Variants in PHC2 observed in about 807,000 individuals in gnomAD.
PHC2 encodes polyhomeotic homolog 2.
Under a neutral mutation model 87.4 loss-of-function variants are expected in PHC2, and 29 were observed. That is an observed-to-expected ratio of 0.33 (90% CI 0.25 to 0.45). The LOEUF (loss-of-function observed/expected upper bound fraction) is 0.45. PHC2 is among the 20% of genes least tolerant of loss of function. The probability of loss-of-function intolerance (pLI) is 1.00; values close to 1 mark genes in which losing one functional copy is unlikely to be tolerated. For synonymous variants in PHC2, 438 were observed against 461.7 expected (o/e 0.95, Z 0.66); for missense variants, 857 against 1,136.7 (o/e 0.75, Z 3.54).
Position 33,372,425 on chromosome 1 carries a change from CTG to C in PHC2, c.195_196del (p.His65GlnfsTer53), listed in dbSNP as rs770815961. ...GTACTGAGCGGCCGTGCTGGGCTGT[CTG>C]TGCAGGGCCTGCTGGATCACCTGAG... On this transcript the variant is annotated frameshift_variant, in exon 3 of 15. Coordinates refer to ENST00000683057, the MANE Select transcript of PHC2 (RefSeq NM_001385109.1). LOFTEE classifies it high-confidence loss of function. 1.3e-6 allele frequency: 2 copies of C among 1,583,236 alleles called. No individual in the cohort carries two copies. Among genetic ancestry groups the C allele is most frequent in the Non-Finnish European group, 1.7e-6 (2 of 1,161,992 alleles).
chr1:33,375,522 T>G lies in PHC2; in HGVS notation c.18A>C (p.Pro6=). MENEL[P]VPHTSSSACA... ...AGGCACTGCTAGATGTATGTGGGAC[T>G]GGCAGCTCATTCTCCATGGCCTGCA... is the stretch of plus-strand genomic sequence containing the variant. The change falls in exon 2 of 15, where the codon CCA becomes CCC. Residue 6 remains proline (P), a synonymous_variant. Coordinates refer to ENST00000683057, the MANE Select transcript of PHC2 (RefSeq NM_001385109.1). The G allele has an allele frequency of 6.3e-7, 1 of 1,587,510 alleles. No individual in the cohort carries two copies. Among genetic ancestry groups the G allele is most frequent in the Non-Finnish European group, 8.6e-7 (1 of 1,165,578 alleles).
chr1:33,358,701 G>A (rs966752505), intron 7 of PHC2, among the ~76,000 whole-genome samples: 3 of 152,084 alleles, frequency 2.0e-5, no homozygotes, highest in Non-Finnish European at 4.4e-5. Context: ...CAGACATTCA[G>A]GATCTCTTTA....
At chr1:33,406,040 T>C (rs1409200044) in intron 1 of PHC2, among the ~76,000 whole-genome samples, 1 of 152,240 alleles carries the variant, frequency 6.6e-6, no homozygotes, top group Non-Finnish European at 1.5e-5. Flanking sequence ...TTACATATTC[T>C]TACTGGGGCT....
intron 1 of PHC2, among the ~76,000 whole-genome samples, chr1:33,405,170 T>C (rs1649703517): frequency 6.6e-6 from 1 of 151,962 alleles, no homozygotes; most frequent in Non-Finnish European, 1.5e-5. Context: ...TCAGTCTTTA[T>C]AAGGATTTGT....
chr1:33,390,706 G>GA (rs1649009186), intron 1 of PHC2, among the ~76,000 whole-genome samples: 1 of 144,140 alleles, frequency 6.9e-6, no homozygotes, highest in East Asian at 2.0e-4. Flanking sequence ...TTTTTTCTCT[G>GA]TAAAGGGACA....
intron 1 of PHC2, among the ~76,000 whole-genome samples, chr1:33,403,244 A>G (rs1424337340): frequency 6.8e-6 from 1 of 146,292 alleles, no homozygotes; most frequent in Non-Finnish European, 1.5e-5. Flanking sequence ...CTCCTGCCTC[A>G]GCCTCCCGAG....
intron 1 of PHC2, among the ~76,000 whole-genome samples, chr1:33,396,291 G>C (rs972494798): frequency 6.6e-6 from 1 of 152,098 alleles, no homozygotes. Context: ...TTTGGAGAGG[G>C]AGAAGCTGGC....
Position 33,349,586 on chromosome 1 carries a change from C to A in PHC2, c.1558+4815G>T, listed in dbSNP as rs1012297798. 3.0e-6 allele frequency: 3 copies of A among 983,846 alleles called. No homozygotes were observed. The highest frequency in any genetic ancestry group is 5.2e-4 in the Middle Eastern group (1 of 1,938). 60.9% of individuals were successfully genotyped at this position (983,846 alleles called of 1,614,324 possible). Reference sequence around the variant, plus strand: ...TACTGGCGAGAACCCCTCCCCCGCCCCGGCACTGACCTGTCCAGGGCCCGG... The same window carrying A: ...TACTGGCGAGAACCCCTCCCCCGCCACGGCACTGACCTGTCCAGGGCCCGG... On this transcript the variant is annotated intron_variant, in intron 9 of 14. Coordinates refer to ENST00000683057, the MANE Select transcript of PHC2 (RefSeq NM_001385109.1). This position sits in a 1 kb window ranked among gnomAD's most constrained non-coding sequence, Gnocchi z 4.2.
Position 33,355,091 on chromosome 1 carries a change from G to A in PHC2, c.1139C>T (p.Ser380Leu). Reference protein sequence around the residue: ...LQAEPHPQLASVSPSVALQPS... With the variant: ...LQAEPHPQLALVSPSVALQPS... ...CTGGAGGGCCACGCTTGGAGAGACTGAGGCGAGCTGGGGGTGGGGCTCAGC... is the reference window on the plus strand; with the variant it reads ...CTGGAGGGCCACGCTTGGAGAGACTAAGGCGAGCTGGGGGTGGGGCTCAGC... The change falls in exon 8 of 15, where the codon TCA (serine) becomes TTA (leucine). Residue 380 changes from serine to leucine, a missense_variant. Coordinates refer to ENST00000683057, the MANE Select transcript of PHC2 (RefSeq NM_001385109.1). 1.9e-6 allele frequency: 3 copies of A among 1,612,032 alleles called. No individual in the cohort carries two copies. Among genetic ancestry groups the A allele is most frequent in the East Asian group, 2.2e-5 (1 of 44,822 alleles).
chr1:33,335,355 A>C, intron 9 of PHC2: 1 of 985,370 alleles, frequency 1.0e-6, no homozygotes. Context: ...TTAACCTGGA[A>C]CTTCCTAAAA....
chr1:33,401,536 T>C (rs1046158271), intron 1 of PHC2, among the ~76,000 whole-genome samples: 2 of 152,220 alleles, frequency 1.3e-5, no homozygotes, highest in Non-Finnish European at 2.9e-5. Context: ...CTCCGCATTT[T>C]AGTGATATCA....
At position 33,332,684 on chromosome 1, in the gene PHC2, AAG is replaced by A. The variant is rs1222422853; in HGVS notation, c.1762-282_1762-281del. On this transcript the variant is annotated intron_variant, in intron 10 of 14. Coordinates refer to ENST00000683057, the MANE Select transcript of PHC2 (RefSeq NM_001385109.1). This position sits in a 1 kb window ranked among gnomAD's most constrained non-coding sequence, Gnocchi z 4.2. ...AAAATGTCTATTCCAGTAAGAGTCT[AAG>A]GGCTGAGATCAGGTTTCCCACAGTG... is the stretch of plus-strand genomic sequence containing the variant. Among the ~76,000 whole-genome samples, 3 of 152,178 alleles carry A rather than the reference AAG, an allele frequency of 2.0e-5. No homozygotes were observed. Among genetic ancestry groups the A allele is most frequent in the African/African-American group, 7.2e-5 (3 of 41,432 alleles).
chr1:33,334,045 C>T lies in PHC2; in HGVS notation c.1761+45G>A, dbSNP rs1646567315. On this transcript the variant is annotated intron_variant, in intron 10 of 14. Coordinates refer to ENST00000683057, the MANE Select transcript of PHC2 (RefSeq NM_001385109.1). The surrounding 1 kb of genome is among the most constrained non-coding windows in gnomAD (Gnocchi z 5.5). ...AATGTAAAAATATTCTAAGACACAT[C>T]CAAAATATACTTAAAAAAAAAAGGG... 1 of 1,512,008 alleles carries T rather than the reference C, an allele frequency of 6.6e-7. No homozygotes were observed. The highest frequency in any genetic ancestry group is 9.0e-7 in the Non-Finnish European group (1 of 1,107,260). The allele number at this position is 1,512,008 out of a possible 1,614,324, so 93.7% of individuals were successfully genotyped here. A position where few individuals can be genotyped will look rare whatever the true frequency, so the allele number is the denominator to read the frequency against.
intron 6 of PHC2, 109 bp from the exon 7 acceptor site, chr1:33,367,537 G>T: frequency 1.1e-6 from 1 of 872,880 alleles, no homozygotes; most frequent in East Asian, 2.5e-5. Flanking sequence ...TAGAACAGGA[G>T]GTTGTCAAAT....
intron 1 of PHC2, among the ~76,000 whole-genome samples, chr1:33,417,745 T>C (rs1470959855): frequency 3.3e-5 from 5 of 152,126 alleles, no homozygotes; most frequent in South Asian, 2.1e-4. Context: ...TTAATACATA[T>C]ATAAAAGACT....
intron 1 of PHC2, among the ~76,000 whole-genome samples, chr1:33,398,697 C>T (rs1435709482): frequency 1.3e-5 from 2 of 152,176 alleles, no homozygotes; most frequent in African/African-American, 2.4e-5. Flanking sequence ...ATTGAAGTAC[C>T]TGCTGAACGA....
chr1:33,368,369 G>C lies in PHC2; in HGVS notation c.663+167C>G, dbSNP rs1647608745. ...ACGAAACAGAGCCAGGAGGGACTGAGGCCTTCTGGAACAGGGTAGACGCGC... is the reference window on the plus strand; with the variant it reads ...ACGAAACAGAGCCAGGAGGGACTGACGCCTTCTGGAACAGGGTAGACGCGC... On this transcript the variant is annotated intron_variant, in intron 6 of 14. Coordinates refer to ENST00000683057, the MANE Select transcript of PHC2 (RefSeq NM_001385109.1). This position sits in a 1 kb window ranked among gnomAD's most constrained non-coding sequence, Gnocchi z 6.6. Among the ~76,000 whole-genome samples the C allele has an allele frequency of 6.6e-6, 1 of 152,230 alleles. No homozygotes were observed. The highest frequency in any genetic ancestry group is 2.1e-4 in the South Asian group (1 of 4,826).
rs34468965 is a variant in PHC2 at position 33,364,390 on chromosome 1, T to TCACA, written c.976+2722_976+2725dup. The stretch of plus-strand genomic sequence containing the variant: ...CACACACACACACACACACTTGCTT[T>TCACA]CACACACACACACACACACACACAC... On this transcript the variant is annotated intron_variant, in intron 7 of 14. Transcript: ENST00000683057. This position sits in a 1 kb window ranked among gnomAD's most constrained non-coding sequence, Gnocchi z 4.1. 1.3e-4 allele frequency among the ~76,000 whole-genome samples: 14 copies of TCACA among 106,694 alleles called. 1 individual carries two copies. In the East Asian group the frequency reaches 1.7e-3, roughly 13 times the overall value. The allele number at this position is 106,694 out of a possible 152,430, so 70.0% of individuals were successfully genotyped here.
chr1:33,360,228 T>C (rs959784046), intron 7 of PHC2, among the ~76,000 whole-genome samples: 1 of 152,216 alleles, frequency 6.6e-6, no homozygotes, highest in African/African-American at 2.4e-5. Context: ...TCTATGATAG[T>C]CTGATTATGC....
Sources: allele counts gnomAD v4.1 joint callset (sites outside exome capture counted in the v4.1 genomes callset), GRCh38; gene constraint gnomAD v4.1.1; non-coding constraint Gnocchi (gnomAD v3.1); transcripts MANE v1.5; gene names NCBI Gene and HGNC (gene_info 2026-07-23, HGNC 2026-07-21).